TADA1: variants seen among roughly 807,000 people sequenced by gnomAD.
TADA1 encodes transcriptional adaptor 1.
Under a neutral mutation model 39.3 loss-of-function variants are expected in TADA1, and 23 were observed. The ratio of observed to expected loss-of-function variants is 0.58; its 90% CI spans 0.42 to 0.83. The LOEUF is 0.83. TADA1 is among the 40% of genes least tolerant of loss of function. The probability of loss-of-function intolerance (pLI) is 0.00; values close to 1 mark genes in which losing one functional copy is unlikely to be tolerated. For missense variants in TADA1, 352 were observed against 408.1 expected, an observed-to-expected ratio of 0.86 and a Z score of 1.18; for synonymous variants, 137 against 151.8, an observed-to-expected ratio of 0.90 and a Z score of 0.72.
At chr1:166,861,606 T>G (rs749299176) in intron 5 of TADA1, among the ~76,000 whole-genome samples, 1 of 152,222 alleles carries the variant, frequency 6.6e-6, no homozygotes, top group Non-Finnish European at 1.5e-5. Context: ...ATCTATAGGA[T>G]TCTCAATTTC....
At chr1:166,862,134 C>T (rs898328492) in intron 5 of TADA1, 69 bp downstream of exon 5, 9 of 1,436,864 alleles carry the variant, frequency 6.3e-6, no homozygotes, top group Non-Finnish European at 7.8e-6. Context: ...CTTGCAATAC[C>T]GACTTTAAAC....
At chr1:166,863,983 GT>G in intron 3 of TADA1, 62 bp from the exon 4 acceptor site, 1 of 1,385,396 alleles carries the variant, frequency 7.2e-7, no homozygotes. Context: ...TGCTAAGTTT[GT>G]TTTCATTTGG....
Position 166,862,361 on chromosome 1 carries a change from T to C in TADA1, c.382A>G (p.Lys128Glu). 1 of 1,614,196 alleles carries C rather than the reference T, an allele frequency of 6.2e-7. No individual in the cohort carries two copies. Among genetic ancestry groups the C allele is most frequent in the South Asian group, 1.1e-5 (1 of 91,080 alleles). The change falls in exon 5 of 8, where the codon AAG becomes GAG. Residue 128 changes from lysine to glutamate, a missense_variant. Physicochemically the swap from Lys to Glu is moderately conservative, Grantham distance 56. Coordinates refer to ENST00000367874, the MANE Select transcript of TADA1 (RefSeq NM_053053.4). ...AAGTCGTCATCATCTTGGGGATCCT[T>C]TGCCACAAATTGCTGGGCTCCTGAG... The part of the protein sequence containing the change: ...PLSGAQQFVA[K>E]DPQDDDDLKL...
In TADA1 at chr1:166,875,498, TCA is replaced by T. The variant is rs1658743027; in HGVS notation, c.74+660_74+661del. Among the ~76,000 whole-genome samples, 3 of 152,242 alleles carry T rather than the reference TCA, an allele frequency of 2.0e-5. No individual in the cohort carries two copies. In the South Asian group the frequency reaches 6.2e-4, roughly 31 times the overall value. The stretch of plus-strand genomic sequence containing the variant: ...AAGAGTTACTTGTCCGCACTAGGTC[TCA>T]GTCTTCTCATCTGTCAAATGGGAAT... On this transcript the variant is annotated intron_variant, in intron 1 of 7. Transcript: ENST00000367874.
chr1:166,867,624 G>T (rs371748092), intron 3 of TADA1, among the ~76,000 whole-genome samples: 2 of 149,486 alleles, frequency 1.3e-5, no homozygotes, highest in African/African-American at 4.9e-5. Context: ...TCACTCTGTC[G>T]CCCAGGCTGA....
rs1470047579 is a variant in TADA1 at position 166,856,776 on chromosome 1, G to A, written c.*791C>T. ...TAGAAATAGGTACCTCCTAGAAACT[G>A]GAGAATTACCAAGCATATATCCAAT... On this transcript the variant is annotated 3_prime_UTR_variant, in exon 8 of 8. Coordinates refer to ENST00000367874, the MANE Select transcript of TADA1 (RefSeq NM_053053.4). The A allele has an allele frequency of 6.6e-6, 1 of 152,572 alleles. No homozygotes were observed. Among genetic ancestry groups the A allele is most frequent in the Non-Finnish European group, 1.5e-5 (1 of 68,034 alleles). The allele number at this position is 152,572 out of a possible 1,614,324, so 9.5% of individuals were successfully genotyped here.
rs896226252 is a variant in TADA1, at chr1:166,869,940, G to T, written c.75-86C>A. ...TGTTTTGTTTTTTTAAAGAGACGGG[G>T]TTTTTTATTCTGTCACTCAGGCTGG... On this transcript the variant is annotated intron_variant, in intron 1 of 7. Coordinates refer to ENST00000367874, the MANE Select transcript of TADA1 (RefSeq NM_053053.4). 8 of 1,146,408 alleles carry T rather than the reference G, an allele frequency of 7.0e-6. No individual in the cohort carries two copies. The African/African-American group carries it at 1.1e-4, about 15-fold the overall frequency. 71.0% of individuals were successfully genotyped at this position (1,146,408 alleles called of 1,614,324 possible). A position where few individuals can be genotyped will look rare whatever the true frequency, so the allele number is the denominator to read the frequency against.
At chr1:166,868,628 C>T (rs1169811011) in intron 3 of TADA1, 1 of 152,314 alleles carries the variant, frequency 6.6e-6, no homozygotes, top group Non-Finnish European at 1.5e-5. Flanking sequence ...AGGGACATAA[C>T]CTGCTTTACA....
At position 166,876,263 on chromosome 1, in the gene TADA1, C is replaced by A; in HGVS notation, c.-30G>T. ...CCGCGTGTCTCAGCCCGACCGCAGACCGCCCGGCCACCGCGATCAACAACC... is the reference window on the plus strand; with the variant it reads ...CCGCGTGTCTCAGCCCGACCGCAGAACGCCCGGCCACCGCGATCAACAACC... On this transcript the variant is annotated 5_prime_UTR_variant, in exon 1 of 8. Transcript: ENST00000367874. 1 of 1,607,534 alleles carries A rather than the reference C, an allele frequency of 6.2e-7. No homozygotes were observed. The highest frequency in any genetic ancestry group is 8.5e-7 in the Non-Finnish European group (1 of 1,177,288).
chr1:166,858,071 C>T, intron 7 of TADA1, 48 bp downstream of exon 7: 2 of 1,603,798 alleles, frequency 1.2e-6, no homozygotes, highest in Non-Finnish European at 1.7e-6. Context: ...TAAAGAATCT[C>T]TTAACCTATC....
chr1:166,869,334 T>A, intron 3 of TADA1, 111 bp downstream of exon 3: 1 of 807,836 alleles, frequency 1.2e-6, no homozygotes, highest in Non-Finnish European at 1.9e-6. Context: ...ACTTTTCTTC[T>A]GAGTAGTTCA....
intron 4 of TADA1, 149 bp downstream of exon 4, chr1:166,863,675 C>T: frequency 1.4e-6 from 1 of 711,224 alleles, no homozygotes. Context: ...CTAGAACTCA[C>T]AATCCTTGAA....
chr1:166,872,799 A>G (rs1055259135), intron 1 of TADA1, among the ~76,000 whole-genome samples: 1 of 152,240 alleles, frequency 6.6e-6, no homozygotes, highest in African/African-American at 2.4e-5. Flanking sequence ...CAGACCTGTG[A>G]GCCAAACTAA....
In TADA1 at chr1:166,857,739, G is replaced by C. The variant is rs1244029027; in HGVS notation, c.856-20C>G. The C allele has an allele frequency of 1.9e-6, 3 of 1,607,024 alleles. No homozygotes were observed. Among genetic ancestry groups the C allele is most frequent in the East Asian group, 2.2e-5 (1 of 44,746 alleles). On this transcript the variant is annotated intron_variant, in intron 7 of 7. Coordinates refer to ENST00000367874, the MANE Select transcript of TADA1 (RefSeq NM_053053.4). ...GTGCACCTGGGATTAAAAAATTAACGCATGTCCAATTATACTTGAGTAGAC... is the reference window on the plus strand; with the variant it reads ...GTGCACCTGGGATTAAAAAATTAACCCATGTCCAATTATACTTGAGTAGAC...
At chr1:166,874,966 C>CAA (rs1658732399) in intron 1 of TADA1, among the ~76,000 whole-genome samples, 1 of 152,080 alleles carries the variant, frequency 6.6e-6, no homozygotes, top group Admixed American at 6.5e-5. Flanking sequence ...GGAAAAACTC[C>CAA]AAAATTCATG....
Position 166,862,192 on chromosome 1 carries a change from A to G in TADA1, c.540+11T>C, listed in dbSNP as rs1409033458. The G allele has an allele frequency of 6.2e-7, 1 of 1,612,720 alleles. No homozygotes were observed. On this transcript the variant is annotated intron_variant, in intron 5 of 7. Coordinates refer to ENST00000367874, the MANE Select transcript of TADA1 (RefSeq NM_053053.4). ...AACCTGTAAGATTATTTCTGCCAAC[A>G]GCAAACCAACCTCCACAGCATAGAC...
chr1:166,863,671 C>T (rs1658466185), intron 4 of TADA1, 153 bp downstream of exon 4: 1 of 689,610 alleles, frequency 1.5e-6, no homozygotes, highest in Admixed American at 3.0e-5. Flanking sequence ...ACACCTAGAA[C>T]TCACAATCCT....
chr1:166,866,733 C>T (rs1489486334), intron 3 of TADA1, among the ~76,000 whole-genome samples: 1 of 150,716 alleles, frequency 6.6e-6, no homozygotes, highest in African/African-American at 2.4e-5. Flanking sequence ...ATTTGTTTGG[C>T]AATTTTTTTT....
chr1:166,869,185 G>A (rs1292310114), intron 3 of TADA1: 3 of 449,740 alleles, frequency 6.7e-6, no homozygotes. Flanking sequence ...GGTTCAGGAG[G>A]TTTGGGTTCC....
Sources: allele counts gnomAD v4.1 joint callset (sites outside exome capture counted in the v4.1 genomes callset), GRCh38; gene constraint gnomAD v4.1.1; transcripts MANE v1.5; gene names NCBI Gene and HGNC (gene_info 2026-07-23, HGNC 2026-07-21).